PRKG1: variants seen among roughly 807,000 people sequenced by gnomAD.
The protein encoded by PRKG1 is protein kinase cGMP-dependent 1.
Under a neutral mutation model 88.1 loss-of-function variants are expected in PRKG1, and 35 were observed. That is an observed-to-expected ratio of 0.40 (90% confidence interval 0.30 to 0.53). The LOEUF is 0.53. Ranked by LOEUF, PRKG1 falls within the 20% of genes least tolerant of loss-of-function variation. The probability of loss-of-function intolerance (pLI) is 0.59; values close to 1 mark genes in which losing one functional copy is unlikely to be tolerated. For missense variants in PRKG1, 540 were observed against 839.8 expected (o/e 0.64, Z 4.41); for synonymous variants, 303 against 292.5 (o/e 1.04, Z -0.37).
intron 3 of PRKG1, among the ~76,000 whole-genome samples, chr10:51,579,123 A>C (rs1837965307): frequency 6.6e-6 from 1 of 151,454 alleles, no homozygotes; most frequent in African/African-American, 2.4e-5. Context: ...CTGGGACTAC[A>C]GGTGCGTGCC....
At chr10:51,918,282 C>A (rs1842387615) in intron 5 of PRKG1, among the ~76,000 whole-genome samples, 1 of 151,968 alleles carries the variant, frequency 6.6e-6, no homozygotes, top group Non-Finnish European at 1.5e-5. Context: ...CCACCCCTGA[C>A]TCTTTCTTTT....
At chr10:52,116,015 T>C (rs1400681941) in intron 7 of PRKG1, among the ~76,000 whole-genome samples, 2 of 152,098 alleles carry the variant, frequency 1.3e-5, no homozygotes, top group Non-Finnish European at 2.9e-5. Flanking sequence ...GAAGTATTTA[T>C]AGACAGAAAA....
At chr10:51,730,858 C>T (rs963814699) in intron 3 of PRKG1, among the ~76,000 whole-genome samples, 4 of 152,150 alleles carry the variant, frequency 2.6e-5, no homozygotes, top group Non-Finnish European at 5.9e-5. Context: ...TGTATTTCAA[C>T]TTACAAAAAC....
At chr10:52,002,500 G>A (rs1422817123) in intron 5 of PRKG1, among the ~76,000 whole-genome samples, 1 of 151,870 alleles carries the variant, frequency 6.6e-6, no homozygotes, top group African/African-American at 2.4e-5. Context: ...TGTTAACACG[G>A]ATCCACTCAA....
At chr10:51,156,323 A>ACACACACACACACACACACACACACACC (rs796364856) in intron 2 of PRKG1, among the ~76,000 whole-genome samples, 3 of 151,124 alleles carry the variant, frequency 2.0e-5, no homozygotes, top group Admixed American at 6.6e-5. Flanking sequence ...AAACACACAC[A>ACACACACACACACACACACACACACACC]CCCGAATGTA....
chr10:51,307,638 A>G (rs1442618091), intron 2 of PRKG1, among the ~76,000 whole-genome samples: 1 of 152,130 alleles, frequency 6.6e-6, no homozygotes, highest in Non-Finnish European at 1.5e-5. Context: ...GGCTGTCCCG[A>G]GTAGAGGCAA....
chr10:51,471,265 C>A (rs190708281), intron 3 of PRKG1, among the ~76,000 whole-genome samples: 2 of 151,824 alleles, frequency 1.3e-5, no homozygotes, highest in Non-Finnish European at 2.9e-5. Flanking sequence ...GGGAAAGAAT[C>A]GCTTGTTATA....
intron 2 of PRKG1, among the ~76,000 whole-genome samples, chr10:51,300,134 C>G (rs1247476068): frequency 2.0e-5 from 3 of 152,170 alleles, no homozygotes; most frequent in Admixed American, 6.6e-5. Flanking sequence ...TTAAATGTCA[C>G]TATTTCGTCT....
chr10:51,050,811 T>A (rs1843551421), intron 1 of PRKG1, among the ~76,000 whole-genome samples: 1 of 152,064 alleles, frequency 6.6e-6, no homozygotes, highest in Admixed American at 6.5e-5. Flanking sequence ...TCCTTGCCAA[T>A]TCTTGTTATC....
chr10:51,628,020 T>TCTCTCTCTC (rs1564579903), intron 3 of PRKG1, among the ~76,000 whole-genome samples: 1 of 90,126 alleles, frequency 1.1e-5, no homozygotes, highest in East Asian at 4.0e-4. Flanking sequence ...CTTTCTTTCT[T>TCTCTCTCTC]TCTTTCTTTC....
At chr10:51,947,886 C>T (rs898691642) in intron 5 of PRKG1, among the ~76,000 whole-genome samples, 1 of 151,996 alleles carries the variant, frequency 6.6e-6, no homozygotes, top group African/African-American at 2.4e-5. Context: ...ATGACAGCAC[C>T]AAAGAAACGT....
intron 2 of PRKG1, among the ~76,000 whole-genome samples, chr10:51,265,321 G>A (rs1273136963): frequency 1.3e-5 from 2 of 152,042 alleles, no homozygotes; most frequent in Non-Finnish European, 2.9e-5. Flanking sequence ...CCAGATAAAG[G>A]GTTGGATGCC....
chr10:51,767,114 T>C (rs1024504196), intron 3 of PRKG1, among the ~76,000 whole-genome samples: 1 of 152,206 alleles, frequency 6.6e-6, no homozygotes, highest in Non-Finnish European at 1.5e-5. Flanking sequence ...TCTCACTAAC[T>C]GCAATGTAAT....
intron 3 of PRKG1, among the ~76,000 whole-genome samples, chr10:51,591,166 CCTGTGTGTGCACACA>C: frequency 6.9e-6 from 1 of 145,854 alleles, no homozygotes; most frequent in East Asian, 2.1e-4. Flanking sequence ...TGTGTGTGTG[CCTGTGTGTGCACACA>C]TACACGCATG....
chr10:51,102,117 A>C (rs1844701459), intron 1 of PRKG1, among the ~76,000 whole-genome samples: 1 of 152,220 alleles, frequency 6.6e-6, no homozygotes, highest in Non-Finnish European at 1.5e-5. Context: ...TGTGAGTAGC[A>C]CACCTCGTGT....
chr10:51,768,697 A>C (rs545027828), intron 3 of PRKG1, among the ~76,000 whole-genome samples: 25 of 152,292 alleles, frequency 1.6e-4, no homozygotes, highest in African/African-American at 5.8e-4. Context: ...TGTATTTAAA[A>C]GATGAAAAAG....
At position 51,074,523 on chromosome 10, in the gene PRKG1, C is replaced by T. The variant is rs1843894273; in HGVS notation, c.-68C>T. The T allele has an allele frequency of 6.5e-7, 1 of 1,534,216 alleles. No individual in the cohort carries two copies. The highest frequency in any genetic ancestry group is 8.8e-7 in the Non-Finnish European group (1 of 1,139,364). ...AGCGGCGACTTTGGGGAAAGTTGAT[C>T]GGAGAGGGGAGGAAGCCTCAAGACG... On this transcript the variant is annotated 5_prime_UTR_variant, in exon 1 of 18. Transcript: ENST00000373980.
At chr10:51,336,320 T>A (rs1354079166) in intron 2 of PRKG1, among the ~76,000 whole-genome samples, 3 of 151,632 alleles carry the variant, frequency 2.0e-5, no homozygotes. Context: ...GCCTCCGCAC[T>A]CCAGCCTGGG....
At position 51,806,951 on chromosome 10, in the gene PRKG1, G is replaced by C. The variant is rs183843475; in HGVS notation, c.698+2261G>C. 2.7e-3 allele frequency among the ~76,000 whole-genome samples: 408 copies of C among 152,232 alleles called. 1 individual carries two copies. Among genetic ancestry groups the C allele is most frequent in the Middle Eastern group, 0.02 (6 of 294 alleles). ...CTCTGCTTTTTGGACCCAACTAAAAGCTGCCTTTCCATGTATACTTACCTC... is the reference window on the plus strand; with the variant it reads ...CTCTGCTTTTTGGACCCAACTAAAACCTGCCTTTCCATGTATACTTACCTC... On this transcript the variant is annotated intron_variant, in intron 4 of 17. Coordinates refer to ENST00000373980, the MANE Select transcript of PRKG1 (RefSeq NM_006258.4).
Sources: gnomAD v4.1 joint callset for allele counts (sites outside exome capture counted in the v4.1 genomes callset) on GRCh38, gnomAD v4.1.1 for gene constraint, MANE v1.5 for transcripts, NCBI Gene and HGNC (gene_info 2026-07-23, HGNC 2026-07-21) for gene names.